Variants in CNTNAP5 observed in about 807,000 individuals in gnomAD.
CNTNAP5 encodes the protein contactin associated protein family member 5, also known as contactin-associated protein-like 5.
Under a neutral mutation model 150.2 loss-of-function variants are expected in CNTNAP5, and 72 were observed. The observed-to-expected ratio is 0.48, with a 90% CI of 0.40 to 0.58. The LOEUF is 0.58. Among genes scored for constraint, CNTNAP5 ranks in the 20% least tolerant of loss-of-function variants. The pLI is 0.00. For synonymous variants in CNTNAP5, 672 were observed against 619.8 expected (o/e 1.08, Z -1.25); for missense variants, 1,636 against 1,626.2 (o/e 1.01, Z -0.10).
intron 13 of CNTNAP5, among the ~76,000 whole-genome samples, chr2:124,661,556 G>A (rs1678591486): frequency 9.0e-6 from 1 of 111,080 alleles, no homozygotes; most frequent in South Asian, 2.8e-4. Flanking sequence ...GCCTGCCTGA[G>A]GCTGTTTCAC....
intron 1 of CNTNAP5, among the ~76,000 whole-genome samples, chr2:124,116,207 T>C (rs1323647089): frequency 6.6e-6 from 1 of 151,976 alleles, no homozygotes; most frequent in African/African-American, 2.4e-5. Flanking sequence ...GTAGCTGAGG[T>C]TGTGGTCCCT....
chr2:124,723,266 C>T (rs1680086012), intron 13 of CNTNAP5, among the ~76,000 whole-genome samples: 1 of 152,150 alleles, frequency 6.6e-6, no homozygotes, highest in Non-Finnish European at 1.5e-5. Context: ...ATACAATATG[C>T]ACTTTCCACA....
chr2:124,458,358 G>T (rs1693171165), intron 6 of CNTNAP5, among the ~76,000 whole-genome samples: 1 of 115,780 alleles, frequency 8.6e-6, no homozygotes, highest in Admixed American at 8.3e-5. Flanking sequence ...ATGAATTAAT[G>T]TCATTCACAG....
chr2:124,248,732 T>TG (rs1225054549), intron 3 of CNTNAP5, among the ~76,000 whole-genome samples: 1 of 152,178 alleles, frequency 6.6e-6, no homozygotes, highest in Non-Finnish European at 1.5e-5. Flanking sequence ...CATTTACACA[T>TG]GTGGCATTTA....
chr2:124,853,522 G>A (rs185399427), intron 19 of CNTNAP5, among the ~76,000 whole-genome samples: 42 of 152,240 alleles, frequency 2.8e-4, no homozygotes, highest in African/African-American at 6.0e-4. Context: ...CTTCAGGTAC[G>A]GTGAGATCCA....
At chr2:124,600,757 GAGAGAGAGAGAA>G (rs761361433) in intron 11 of CNTNAP5, among the ~76,000 whole-genome samples, 5,670 of 138,414 alleles carry the variant, frequency 0.041, 168 homozygotes, top group Admixed American at 0.11. Context: ...GAGAGAGAGA[GAGAGAGAGAGAA>G]AGAGAGAGAA....
chr2:124,626,351 T>C, intron 12 of CNTNAP5, among the ~76,000 whole-genome samples: 1 of 152,152 alleles, frequency 6.6e-6, no homozygotes, highest in East Asian at 1.9e-4. Context: ...CGTGGGTGAT[T>C]ACTGCATTTC....
chr2:124,070,986 A>G (rs1281387670), intron 1 of CNTNAP5, among the ~76,000 whole-genome samples: 1 of 152,062 alleles, frequency 6.6e-6, no homozygotes, highest in Admixed American at 6.6e-5. Flanking sequence ...AAATGGAAAT[A>G]ATATCGAGCA....
At chr2:124,240,073 T>G (rs1686848032) in intron 2 of CNTNAP5, among the ~76,000 whole-genome samples, 1 of 152,162 alleles carries the variant, frequency 6.6e-6, no homozygotes, top group African/African-American at 2.4e-5. Context: ...GGTGCCAAAT[T>G]TTCCAAACTT....
chr2:124,090,233 A>G (rs1473427154), intron 1 of CNTNAP5, among the ~76,000 whole-genome samples: 2 of 152,204 alleles, frequency 1.3e-5, no homozygotes, highest in Admixed American at 1.3e-4. Context: ...AAATTACACA[A>G]ATTAATCAGT....
At chr2:124,094,182 G>A (rs891516116) in intron 1 of CNTNAP5, among the ~76,000 whole-genome samples, 1 of 152,128 alleles carries the variant, frequency 6.6e-6, no homozygotes, top group Non-Finnish European at 1.5e-5. Context: ...TTTCTTTTCA[G>A]CAAAGGGCAG....
At chr2:124,152,836 A>C (rs1415612305) in intron 1 of CNTNAP5, among the ~76,000 whole-genome samples, 2 of 152,170 alleles carry the variant, frequency 1.3e-5, no homozygotes, top group African/African-American at 4.8e-5. Context: ...CCGCTTGGCA[A>C]TCATAATTCT....
intron 1 of CNTNAP5, among the ~76,000 whole-genome samples, chr2:124,173,449 A>G (rs985182703): frequency 6.6e-6 from 1 of 152,232 alleles, no homozygotes; most frequent in Non-Finnish European, 1.5e-5. Flanking sequence ...AAGGAAATTA[A>G]AAGTGCTACC....
chr2:124,763,740 C>G lies in CNTNAP5; in HGVS notation c.2303C>G (p.Thr768Ser). The G allele has an allele frequency of 6.8e-6, 11 of 1,613,006 alleles. No homozygotes were observed. The highest frequency in any genetic ancestry group is 2.2e-5 in the East Asian group (1 of 44,744). ...LPVTQIVITD[T>S]DRSNSEAAWR... ...GTCACTCAGATAGTTATCACTGATA[C>G]CGACAGATCAAACTCAGAAGCCGCT... Residue 768 changes from threonine to serine, a missense_variant, in exon 15 of 24, where the codon ACC (threonine) becomes AGC (serine). By Grantham distance (58) the Thr-to-Ser change is moderately conservative. Transcript: ENST00000682447.
intron 1 of CNTNAP5, among the ~76,000 whole-genome samples, chr2:124,043,920 G>A (rs1681459024): frequency 6.6e-6 from 1 of 152,128 alleles, no homozygotes; most frequent in South Asian, 2.1e-4. Flanking sequence ...AGTGAACTTT[G>A]AACTCACATC....
chr2:124,769,510 A>G (rs1681144536), intron 16 of CNTNAP5, among the ~76,000 whole-genome samples: 1 of 152,122 alleles, frequency 6.6e-6, no homozygotes, highest in African/African-American at 2.4e-5. Context: ...AGTTCATGAT[A>G]GAGCTAATGC....
intron 13 of CNTNAP5, among the ~76,000 whole-genome samples, chr2:124,655,999 A>AAAGAAGG (rs1317556643): frequency 0.047 from 4,194 of 88,744 alleles, 91 homozygotes; most frequent in Non-Finnish European, 0.065. Context: ...AAGAAAGAAA[A>AAAGAAGG]AAGGAAGGAA....
intron 1 of CNTNAP5, among the ~76,000 whole-genome samples, chr2:124,093,748 T>C (rs1001657897): frequency 6.6e-6 from 1 of 152,154 alleles, no homozygotes; most frequent in Non-Finnish European, 1.5e-5. Context: ...AAAATACTCA[T>C]GGAATAAGGA....
At chr2:124,484,856 C>G (rs1693836381) in intron 7 of CNTNAP5, among the ~76,000 whole-genome samples, 1 of 152,194 alleles carries the variant, frequency 6.6e-6, no homozygotes, top group Non-Finnish European at 1.5e-5. Flanking sequence ...CATCCACAGA[C>G]AGCAGCCCAA....
Sources: allele counts gnomAD v4.1 joint callset (sites outside exome capture counted in the v4.1 genomes callset), GRCh38; gene constraint gnomAD v4.1.1; transcripts MANE v1.5; gene names NCBI Gene and HGNC (gene_info 2026-07-23, HGNC 2026-07-21).